Variants in PLCB4 observed in about 807,000 individuals in gnomAD.
PLCB4 encodes phospholipase C beta 4.
A neutral mutation model predicts 178.8 loss-of-function variants in PLCB4; 77 were observed. That is an observed-to-expected ratio of 0.43 (90% CI 0.36 to 0.52). PLCB4 has a LOEUF of 0.52. PLCB4 is among the 20% of genes least tolerant of loss of function. The pLI is 0.00. For synonymous variants in PLCB4, 496 were observed against 490.8 expected (o/e 1.01, Z -0.14); for missense variants, 1,024 against 1,453.4 (o/e 0.70, Z 4.80).
intron 2 of PLCB4, among the ~76,000 whole-genome samples, chr20:9,200,180 C>T (rs1382045731): frequency 6.6e-6 from 1 of 151,562 alleles, no homozygotes; most frequent in Non-Finnish European, 1.5e-5. Flanking sequence ...GTTTTAGCTT[C>T]TTAAAGATTC....
intron 2 of PLCB4, among the ~76,000 whole-genome samples, chr20:9,179,970 C>T (rs1339442473): frequency 6.6e-6 from 1 of 152,214 alleles, no homozygotes; most frequent in Non-Finnish European, 1.5e-5. Context: ...GAACCACCTA[C>T]AAGAATTATT....
chr20:9,467,430 AAAAT>A (rs143396869), intron 35 of PLCB4, among the ~76,000 whole-genome samples: 14,271 of 152,158 alleles, frequency 0.094, 815 homozygotes, highest in East Asian at 0.29. Context: ...AGTATAATAA[AAAAT>A]AAATAAATAA....
In PLCB4 at chr20:9,203,631, A is replaced by T. The variant is rs2093578026; in HGVS notation, c.-78-13759A>T. On this transcript the variant is annotated intron_variant, in intron 2 of 39. Transcript: ENST00000378473. ...TTCGTGTATTATTCCATTTAACTTC[A>T]CAACAATGAGTTAGGTAGATAATTT... is the stretch of plus-strand genomic sequence containing the variant. 2.0e-5 allele frequency among the ~76,000 whole-genome samples: 3 copies of T among 152,142 alleles called. No homozygotes were observed. In the South Asian group the frequency reaches 6.2e-4, roughly 32 times the overall value.
At chr20:9,246,858 G>A (rs1569013397) in intron 3 of PLCB4, among the ~76,000 whole-genome samples, 2 of 152,108 alleles carry the variant, frequency 1.3e-5, no homozygotes, top group African/African-American at 2.4e-5. Flanking sequence ...TTTGGCATCT[G>A]GAGAAGCCTT....
intron 28 of PLCB4, among the ~76,000 whole-genome samples, chr20:9,433,525 G>A (rs981580231): frequency 6.6e-6 from 1 of 152,126 alleles, no homozygotes; most frequent in African/African-American, 2.4e-5. Context: ...GGAATTAAAT[G>A]TTCTGATATA....
At chr20:9,114,686 G>C (rs561823280) in intron 2 of PLCB4, among the ~76,000 whole-genome samples, 3 of 152,250 alleles carry the variant, frequency 2.0e-5, no homozygotes, top group Non-Finnish European at 4.4e-5. Flanking sequence ...AAGCTGCTTA[G>C]AGCAGTAGCC....
chr20:9,355,953 C>T (rs2034776555), intron 7 of PLCB4, among the ~76,000 whole-genome samples: 1 of 152,198 alleles, frequency 6.6e-6, no homozygotes, highest in Non-Finnish European at 1.5e-5. Context: ...TCCTCTCCAG[C>T]ACCTGTTGTT....
At chr20:9,469,633 C>G (rs781732824) in intron 36 of PLCB4, among the ~76,000 whole-genome samples, 1 of 152,190 alleles carries the variant, frequency 6.6e-6, no homozygotes, top group Non-Finnish European at 1.5e-5. Flanking sequence ...TCCCAGTAAC[C>G]TCAAATAAAA....
At chr20:9,374,158 C>G (rs973443018) in intron 12 of PLCB4, among the ~76,000 whole-genome samples, 1 of 152,094 alleles carries the variant, frequency 6.6e-6, no homozygotes, top group South Asian at 2.1e-4. Flanking sequence ...TTATAAAGGT[C>G]GCACTTTAGA....
At chr20:9,243,777 G>GCCT (rs2094093712) in intron 3 of PLCB4, among the ~76,000 whole-genome samples, 1 of 152,104 alleles carries the variant, frequency 6.6e-6, no homozygotes, top group Non-Finnish European at 1.5e-5. Flanking sequence ...CCACTTCCTA[G>GCCT]CCTCCTGCAA....
intron 1 of PLCB4, among the ~76,000 whole-genome samples, chr20:9,076,298 C>T (rs1033615564): frequency 2.6e-5 from 4 of 152,068 alleles, no homozygotes; most frequent in Non-Finnish European, 4.4e-5. Context: ...AAAACCCCAT[C>T]TCTACTAAAA....
At chr20:9,130,935 G>A (rs561750807) in intron 2 of PLCB4, among the ~76,000 whole-genome samples, 4 of 152,230 alleles carry the variant, frequency 2.6e-5, no homozygotes, top group South Asian at 2.1e-4. Flanking sequence ...GAAAGGAATC[G>A]GAGAGTTTCC....
chr20:9,219,561 G>A (rs2093773791), intron 3 of PLCB4, among the ~76,000 whole-genome samples: 1 of 152,184 alleles, frequency 6.6e-6, no homozygotes, highest in Admixed American at 6.5e-5. Context: ...AATAGGACCT[G>A]ATTAGACTTG....
At chr20:9,258,990 G>A (rs2094268736) in intron 3 of PLCB4, among the ~76,000 whole-genome samples, 1 of 151,972 alleles carries the variant, frequency 6.6e-6, no homozygotes, top group Admixed American at 6.6e-5. Flanking sequence ...ACTAGACCAA[G>A]GAATGCAATA....
At chr20:9,094,801 G>T (rs1225358943) in intron 1 of PLCB4, among the ~76,000 whole-genome samples, 2 of 152,184 alleles carry the variant, frequency 1.3e-5, no homozygotes, top group Admixed American at 6.5e-5. Flanking sequence ...ATTTGGCTTA[G>T]TGTACGTGCA....
chr20:9,219,902 A>AT (rs1568970798), intron 3 of PLCB4, among the ~76,000 whole-genome samples: 1 of 152,116 alleles, frequency 6.6e-6, no homozygotes, highest in South Asian at 2.1e-4. Context: ...TTCTAAATGT[A>AT]TTTTTTAAGG....
intron 9 of PLCB4, among the ~76,000 whole-genome samples, chr20:9,369,378 C>T (rs2041813484): frequency 6.6e-6 from 1 of 152,152 alleles, no homozygotes; most frequent in Non-Finnish European, 1.5e-5. Flanking sequence ...AAATAATAGT[C>T]ACCCTGAACA....
intron 4 of PLCB4, among the ~76,000 whole-genome samples, chr20:9,327,851 C>G (rs535862779): frequency 2.0e-5 from 3 of 152,262 alleles, no homozygotes; most frequent in African/African-American, 7.2e-5. Flanking sequence ...GTCAAGTGCT[C>G]TAATGCCCAG....
rs371266996 is a variant in PLCB4 at position 9,444,158 on chromosome 20, A to C, written c.2815-20A>C. On this transcript the variant is annotated intron_variant, in intron 31 of 39. Coordinates refer to ENST00000378473, the MANE Select transcript of PLCB4 (RefSeq NM_001377142.1). ...AGAAAAAACAAAAAACCTATTTTTG[A>C]TTCTATTTTTCTCCCAAAGGCTTAC... The C allele has an allele frequency of 6.4e-7, 1 of 1,561,990 alleles. No individual in the cohort carries two copies. Among genetic ancestry groups the C allele is most frequent in the Non-Finnish European group, 8.7e-7 (1 of 1,143,320 alleles).
Sources: allele counts gnomAD v4.1 joint callset (sites outside exome capture counted in the v4.1 genomes callset), GRCh38; gene constraint gnomAD v4.1.1; transcripts MANE v1.5; gene names NCBI Gene and HGNC (gene_info 2026-07-23, HGNC 2026-07-21).